ARHGAP10: variants seen among roughly 807,000 people sequenced by gnomAD.
The protein encoded by ARHGAP10 is Rho GTPase activating protein 10, also known as rho GTPase-activating protein 10.
Under a neutral mutation model 108.6 loss-of-function variants are expected in ARHGAP10, and 87 were observed. The ratio of observed to expected loss-of-function variants is 0.80; its 90% confidence interval spans 0.67 to 0.96. The LOEUF is 0.96. Ranked by LOEUF, ARHGAP10 falls within the 40% of genes least tolerant of loss-of-function variation. The pLI is 0.00. For missense variants in ARHGAP10, 939 were observed against 954.5 expected (o/e 0.98, Z 0.21); for synonymous variants, 347 against 341.1 (o/e 1.02, Z -0.19).
chr4:147,862,601 G>A (rs1734370234), intron 5 of ARHGAP10: 1 of 152,244 alleles, frequency 6.6e-6, no homozygotes, highest in African/African-American at 2.4e-5. Context: ...GTAATCCCAG[G>A]GATTCTGGTG....
rs150192600 is a variant in ARHGAP10 at position 147,778,416 on chromosome 4, C to T, written c.155-44311C>T. Among the ~76,000 whole-genome samples the T allele has an allele frequency of 6.1e-3, 934 of 152,286 alleles. 6 individuals are homozygous for T. The highest frequency in any genetic ancestry group is 0.034 in the Middle Eastern group (10 of 294). On this transcript the variant is annotated intron_variant, in intron 1 of 22. Coordinates refer to ENST00000336498, the MANE Select transcript of ARHGAP10 (RefSeq NM_024605.4). Reference sequence around the variant, plus strand: ...CCGAGATCTGCCATGACATGAGCCGCTTTCTCACAGTCCTGTTGGAGACCT... The same window carrying T: ...CCGAGATCTGCCATGACATGAGCCGTTTTCTCACAGTCCTGTTGGAGACCT...
At chr4:147,987,608 A>G (rs1407803423) in intron 18 of ARHGAP10, among the ~76,000 whole-genome samples, 2 of 152,216 alleles carry the variant, frequency 1.3e-5, no homozygotes, top group African/African-American at 4.8e-5. Context: ...AGCTAAGCAC[A>G]TGAATTATCA....
chr4:147,784,625 T>A (rs1244885843), intron 1 of ARHGAP10, among the ~76,000 whole-genome samples: 1 of 99,066 alleles, frequency 1.0e-5, no homozygotes, highest in East Asian at 2.8e-4. Context: ...AATAAATATA[T>A]ATTATATATT....
intron 18 of ARHGAP10, among the ~76,000 whole-genome samples, chr4:147,999,972 A>G (rs6826041): frequency 0.75 from 113,442 of 151,274 alleles, 42,886 homozygotes; most frequent in East Asian, 0.85. Flanking sequence ...ACATGTGCAC[A>G]ACGTGCGGGT....
chr4:147,932,144 T>G (rs943404464), intron 13 of ARHGAP10, among the ~76,000 whole-genome samples: 1 of 152,102 alleles, frequency 6.6e-6, no homozygotes, highest in Non-Finnish European at 1.5e-5. Flanking sequence ...AGAATGGCTA[T>G]TATTAAAAAG....
At chr4:147,896,945 C>T (rs1736016613) in intron 10 of ARHGAP10, among the ~76,000 whole-genome samples, 8 of 151,862 alleles carry the variant, frequency 5.3e-5, no homozygotes, top group Admixed American at 5.2e-4. Context: ...TTCTTTTGGT[C>T]AGAGAAAACA....
intron 3 of ARHGAP10, among the ~76,000 whole-genome samples, chr4:147,826,681 C>T (rs66488204): frequency 0.14 from 21,201 of 152,074 alleles, 2,086 homozygotes; most frequent in African/African-American, 0.29. Context: ...CCTGTGATCC[C>T]TACTCCCCTT....
intron 14 of ARHGAP10, chr4:147,946,210 G>A (rs867212671): frequency 3.7e-5 from 6 of 160,398 alleles, no homozygotes; most frequent in South Asian, 2.0e-4. Flanking sequence ...CAGTATGAGG[G>A]CAACAATGCC....
intron 7 of ARHGAP10, among the ~76,000 whole-genome samples, chr4:147,871,863 C>T (rs1228257862): frequency 1.3e-5 from 2 of 151,970 alleles, no homozygotes; most frequent in African/African-American, 4.8e-5. Context: ...CACTTTGGGA[C>T]ATTGAGGCGG....
chr4:147,974,822 G>A (rs542857396), intron 18 of ARHGAP10, among the ~76,000 whole-genome samples: 8 of 152,278 alleles, frequency 5.3e-5, no homozygotes, highest in Admixed American at 2.0e-4. Context: ...CAATCATGGC[G>A]GAAGGGGAAA....
chr4:147,955,542 G>A (rs1738759416), intron 16 of ARHGAP10, among the ~76,000 whole-genome samples, 168 bp downstream of exon 16: 1 of 152,064 alleles, frequency 6.6e-6, no homozygotes, highest in South Asian at 2.1e-4. Flanking sequence ...GTGAATAAAA[G>A]GGACAGTATA....
intron 19 of ARHGAP10, among the ~76,000 whole-genome samples, chr4:148,043,166 A>C (rs1728706594): frequency 6.6e-6 from 1 of 152,224 alleles, no homozygotes; most frequent in African/African-American, 2.4e-5. Context: ...GAAAAGAATC[A>C]GGAGAGGAGG....
intron 1 of ARHGAP10, among the ~76,000 whole-genome samples, chr4:147,775,137 A>C (rs916751666): frequency 7.4e-5 from 11 of 149,370 alleles, no homozygotes; most frequent in African/African-American, 2.2e-4. Context: ...CTGGTCTTGA[A>C]CTCCTGACCT....
In ARHGAP10 at chr4:147,991,164, AT is replaced by A. The variant is rs1247515911; in HGVS notation, c.1716+24326del. On this transcript the variant is annotated intron_variant, in intron 18 of 22. Coordinates refer to ENST00000336498, the MANE Select transcript of ARHGAP10 (RefSeq NM_024605.4). Reference sequence around the variant, plus strand: ...TGAACCTAAAAAAAAAAAAAAATAAATAAAAGAAAACAAATAGAAGTCTTTC... The same window carrying A: ...TGAACCTAAAAAAAAAAAAAAATAAAAAAAGAAAACAAATAGAAGTCTTTC... Among the ~76,000 whole-genome samples the A allele has an allele frequency of 3.3e-5, 5 of 151,710 alleles. 1 individual carries two copies. The highest frequency in any genetic ancestry group is 6.6e-5 in the Admixed American group (1 of 15,260).
At chr4:148,027,424 C>T (rs928418327) in intron 19 of ARHGAP10, among the ~76,000 whole-genome samples, 3 of 152,192 alleles carry the variant, frequency 2.0e-5, no homozygotes, top group Admixed American at 6.5e-5. Flanking sequence ...CACGAATGTG[C>T]TAACTGCAGC....
chr4:147,908,830 C>A (rs193160372), intron 11 of ARHGAP10, among the ~76,000 whole-genome samples: 1 of 152,098 alleles, frequency 6.6e-6, no homozygotes, highest in African/African-American at 2.4e-5. Context: ...TTTTAAGGAC[C>A]CTGCCCCCTT....
At chr4:147,887,473 A>G (rs557913461) in intron 10 of ARHGAP10, among the ~76,000 whole-genome samples, 9 of 152,228 alleles carry the variant, frequency 5.9e-5, no homozygotes, top group Admixed American at 3.3e-4. Context: ...AGCCACCATC[A>G]CCAATGAAAC....
At chr4:147,818,819 T>A (rs1186519345) in intron 1 of ARHGAP10, among the ~76,000 whole-genome samples, 1 of 152,096 alleles carries the variant, frequency 6.6e-6, no homozygotes, top group Admixed American at 6.5e-5. Context: ...AAATTTAAAA[T>A]GTATAAAGTA....
chr4:147,949,111 T>C (rs1440762969), intron 15 of ARHGAP10, among the ~76,000 whole-genome samples: 1 of 152,222 alleles, frequency 6.6e-6, no homozygotes, highest in Non-Finnish European at 1.5e-5. Flanking sequence ...GTGATAGTTA[T>C]GTATTACCTA....
Sources: allele counts gnomAD v4.1 joint callset (sites outside exome capture counted in the v4.1 genomes callset), GRCh38; gene constraint gnomAD v4.1.1; transcripts MANE v1.5; gene names NCBI Gene and HGNC (gene_info 2026-07-23, HGNC 2026-07-21).